Variants in KREMEN1 observed in about 807,000 individuals in gnomAD.
KREMEN1 encodes the protein kringle containing transmembrane protein 1.
KREMEN1 carries 30 observed loss-of-function variants against 46.5 expected under a neutral mutation model. That is an observed-to-expected ratio of 0.65 (90% confidence interval 0.48 to 0.88). The LOEUF (loss-of-function observed/expected upper bound fraction) is 0.88, where lower values mean the gene tolerates loss of function less well. Among genes scored for constraint, KREMEN1 ranks in the 40% least tolerant of loss-of-function variants. KREMEN1 has a pLI of 0.00. For synonymous variants in KREMEN1, 214 were observed against 230.6 expected (o/e 0.93, Z 0.65); for missense variants, 533 against 596.9 (o/e 0.89, Z 1.11).
chr22:29,142,603 T>G lies in KREMEN1; in HGVS notation c.*491T>G. On this transcript the variant is annotated 3_prime_UTR_variant, in exon 9 of 9. Transcript: ENST00000400335. ...GAGAACTCTCAGGTACTCTTGGGAG[T>G]TGGTCCCATACAAGTGCGGACTCCT... 4.1e-6 allele frequency: 4 copies of G among 985,630 alleles called. No individual in the cohort carries two copies. The highest frequency in any genetic ancestry group is 3.6e-6 in the Non-Finnish European group (3 of 830,120). The allele number at this position is 985,630 out of a possible 1,614,324, so 61.1% of individuals were successfully genotyped here. A position where few individuals can be genotyped will look rare whatever the true frequency, so the allele number is the denominator to read the frequency against.
At chr22:29,123,301 A>C (rs1300218125) in intron 4 of KREMEN1, among the ~76,000 whole-genome samples, 1 of 152,048 alleles carries the variant, frequency 6.6e-6, no homozygotes, top group Non-Finnish European at 1.5e-5. Context: ...AAATATTTGC[A>C]AATCACATAT....
chr22:29,080,139 C>T (rs1272443944), intron 1 of KREMEN1, among the ~76,000 whole-genome samples: 2 of 152,220 alleles, frequency 1.3e-5, no homozygotes, highest in Admixed American at 1.3e-4. Context: ...TTTCCCCTTC[C>T]CTTTCCCCAG....
intron 1 of KREMEN1, among the ~76,000 whole-genome samples, chr22:29,089,150 C>T (rs1601756930): frequency 6.6e-6 from 1 of 152,182 alleles, no homozygotes; most frequent in South Asian, 2.1e-4. Context: ...TTAGCCTCAG[C>T]CTTTTTCCTC....
At chr22:29,113,825 C>T (rs1342700372) in intron 3 of KREMEN1, among the ~76,000 whole-genome samples, 1 of 152,180 alleles carries the variant, frequency 6.6e-6, no homozygotes, top group African/African-American at 2.4e-5. Flanking sequence ...AGCATAATGG[C>T]CCTCCCTCTT....
downstream of KREMEN1, among the ~76,000 whole-genome samples, chr22:29,147,427 G>A (rs713526): frequency 0.095 from 14,466 of 152,092 alleles, 1,766 homozygotes; most frequent in African/African-American, 0.28. Context: ...ACAACTCTTC[G>A]CCATGGGTAC....
At chr22:29,122,443 C>A (rs2038370805) in intron 4 of KREMEN1, among the ~76,000 whole-genome samples, 1 of 152,156 alleles carries the variant, frequency 6.6e-6, no homozygotes. Context: ...TAAAACTCAG[C>A]AATATCACGC....
At chr22:29,160,463 C>T (rs929057800) in intron 9 of KREMEN1, among the ~76,000 whole-genome samples, 1 of 148,606 alleles carries the variant, frequency 6.7e-6, no homozygotes, top group East Asian at 2.0e-4. Flanking sequence ...TCACTTGAAC[C>T]TGGGAGATGG....
chr22:29,166,484 G>T (rs58668414), intron 9 of KREMEN1, among the ~76,000 whole-genome samples: 1 of 152,102 alleles, frequency 6.6e-6, no homozygotes, highest in African/African-American at 2.4e-5. Context: ...CCTAAGCCTC[G>T]AACTCTGGCC....
chr22:29,165,058 A>G (rs1309587614), intron 9 of KREMEN1, among the ~76,000 whole-genome samples: 2 of 152,248 alleles, frequency 1.3e-5, no homozygotes, highest in South Asian at 4.1e-4. Context: ...CTGTGGTCCC[A>G]GCTGCTCAGG....
intron 1 of KREMEN1, 88 bp from the exon 2 acceptor site, chr22:29,094,163 AGCTTGGT>A: frequency 1.1e-5 from 11 of 1,022,964 alleles, no homozygotes; most frequent in Non-Finnish European, 1.6e-5. Flanking sequence ...ATCCATTTCC[AGCTTGGT>A]CCAAACAAAA....
intron 9 of KREMEN1, among the ~76,000 whole-genome samples, chr22:29,152,502 G>A (rs1285002757): frequency 2.0e-5 from 3 of 152,080 alleles, no homozygotes; most frequent in Non-Finnish European, 4.4e-5. Context: ...TTAGAAACTC[G>A]CCTTTCTTCT....
chr22:29,093,659 T>C (rs1660288798), intron 1 of KREMEN1, among the ~76,000 whole-genome samples: 1 of 152,240 alleles, frequency 6.6e-6, no homozygotes, highest in Non-Finnish European at 1.5e-5. Context: ...GACTGTCTGT[T>C]TTGTTCCACC....
At chr22:29,085,252 G>C (rs1202365501) in intron 1 of KREMEN1, among the ~76,000 whole-genome samples, 2 of 152,132 alleles carry the variant, frequency 1.3e-5, no homozygotes, top group African/African-American at 2.4e-5. Context: ...ATAGAGAAGA[G>C]AGTATAAGGA....
At chr22:29,099,827 C>T (rs1013431193) in intron 3 of KREMEN1, among the ~76,000 whole-genome samples, 1 of 151,990 alleles carries the variant, frequency 6.6e-6, no homozygotes, top group Non-Finnish European at 1.5e-5. Context: ...GGATTACAGG[C>T]GTGAGCCACC....
At chr22:29,148,348 TGCACTGAG>T (rs1302056472), downstream of KREMEN1, among the ~76,000 whole-genome samples, 2 of 152,008 alleles carry the variant, frequency 1.3e-5, no homozygotes, top group Non-Finnish European at 2.9e-5. Context: ...CGTCCTGGGA[TGCACTGAG>T]GCAGTGAGGG....
rs2038793083 is a variant in KREMEN1 at position 29,143,036 on chromosome 22, G to C, written c.*924G>C. ...GTGGTGGCAGGCGCCTGTAATCCCAGCTACTCAGAAGGCTGAGACAGAAGA... is the reference window on the plus strand; with the variant it reads ...GTGGTGGCAGGCGCCTGTAATCCCACCTACTCAGAAGGCTGAGACAGAAGA... On this transcript the variant is annotated 3_prime_UTR_variant, in exon 9 of 9. Coordinates refer to ENST00000400335, the MANE Select transcript of KREMEN1 (RefSeq NM_001039570.3). 2.1e-6 allele frequency: 1 copy of C among 466,524 alleles called. No individual in the cohort carries two copies. Among genetic ancestry groups the C allele is most frequent in the South Asian group, 9.2e-5 (1 of 10,926 alleles). The allele number at this position is 466,524 out of a possible 1,614,324, so 28.9% of individuals were successfully genotyped here. A position where few individuals can be genotyped will look rare whatever the true frequency, so the allele number is the denominator to read the frequency against.
chr22:29,100,901 T>G (rs1378629027), intron 3 of KREMEN1, among the ~76,000 whole-genome samples: 1 of 152,120 alleles, frequency 6.6e-6, no homozygotes, highest in African/African-American at 2.4e-5. Flanking sequence ...TAAAAAAGTT[T>G]AAAAAGTAAA....
Position 29,141,927 on chromosome 22 carries a change from A to G in KREMEN1, c.1209-17A>G. 1 of 1,556,388 alleles carries G rather than the reference A, an allele frequency of 6.4e-7. No homozygotes were observed. The highest frequency in any genetic ancestry group is 8.7e-7 in the Non-Finnish European group (1 of 1,153,936). ...GTTGTTCTAATCTATTGGAAAAAATATTTATCTGCTTGACAGATCCCATCG... is the reference window on the plus strand; with the variant it reads ...GTTGTTCTAATCTATTGGAAAAAATGTTTATCTGCTTGACAGATCCCATCG... On this transcript the variant is annotated splice_polypyrimidine_tract_variant and intron_variant, in intron 8 of 8. Transcript: ENST00000400335.
chr22:29,133,357 T>C (rs1047058324), intron 5 of KREMEN1, among the ~76,000 whole-genome samples: 6 of 151,964 alleles, frequency 3.9e-5, no homozygotes, highest in African/African-American at 1.2e-4. Flanking sequence ...TAGAGTGCAG[T>C]AGTGCAGTCA....
Sources: gnomAD v4.1 joint callset for allele counts (sites outside exome capture counted in the v4.1 genomes callset) on GRCh38, gnomAD v4.1.1 for gene constraint, MANE v1.5 for transcripts, NCBI Gene and HGNC (gene_info 2026-07-23, HGNC 2026-07-21) for gene names.